Variants in PTPN1 observed in about 807,000 individuals in gnomAD.
PTPN1 encodes tyrosine-protein phosphatase non-receptor type 1.
A neutral mutation model predicts 59.9 loss-of-function variants in PTPN1; 12 were observed. The observed-to-expected ratio is 0.20, with a 90% confidence interval of 0.13 to 0.32. The LOEUF is 0.32. PTPN1 is among the 10% of genes least tolerant of loss of function. The pLI is 1.00. For synonymous variants in PTPN1, 178 were observed against 203.6 expected, an observed-to-expected ratio of 0.87 and a Z score of 1.07; for missense variants, 356 against 549.2, an observed-to-expected ratio of 0.65 and a Z score of 3.52.
At chr20:50,513,493 G>T (rs975949002) in intron 1 of PTPN1, among the ~76,000 whole-genome samples, 1 of 152,102 alleles carries the variant, frequency 6.6e-6, no homozygotes, top group Non-Finnish European at 1.5e-5. Flanking sequence ...TTGTTTTCTC[G>T]TCTGTAAATT....
At chr20:50,555,828 T>C (rs538172808) in intron 1 of PTPN1, among the ~76,000 whole-genome samples, 1 of 152,278 alleles carries the variant, frequency 6.6e-6, no homozygotes, top group South Asian at 2.1e-4. Context: ...GCAACTGTTA[T>C]TTCGGCCCTT....
At chr20:50,526,704 G>A (rs2082577052) in intron 1 of PTPN1, among the ~76,000 whole-genome samples, 1 of 152,028 alleles carries the variant, frequency 6.6e-6, no homozygotes, top group Non-Finnish European at 1.5e-5. Context: ...CCTTTATTCA[G>A]ATTTCCAGCT....
In PTPN1 at chr20:50,543,102, A is replaced by G. The variant is rs77304495; in HGVS notation, c.64-18261A>G. ...AGTCAGATAACTGCCATGGAGAGCT[A>G]TGCTTTCTTTGTTTTAAAGATCTGC... On this transcript the variant is annotated intron_variant, in intron 1 of 9. Coordinates refer to ENST00000371621, the MANE Select transcript of PTPN1 (RefSeq NM_002827.4). 1.6e-4 allele frequency among the ~76,000 whole-genome samples: 24 copies of G among 152,324 alleles called. No homozygotes were observed. The East Asian group carries it at 4.0e-3, about 26-fold the overall frequency.
intron 1 of PTPN1, among the ~76,000 whole-genome samples, chr20:50,543,442 T>G (rs2122753764): frequency 6.6e-6 from 1 of 152,370 alleles, no homozygotes; most frequent in East Asian, 1.9e-4. Flanking sequence ...TATAATAGTT[T>G]GTCTATCTCT....
chr20:50,582,782 G>A lies in PTPN1; in HGVS notation c.*67G>A. On this transcript the variant is annotated 3_prime_UTR_variant, in exon 10 of 10. Transcript: ENST00000371621. The surrounding 1 kb of genome is among the most constrained non-coding windows in gnomAD (Gnocchi z 4.2). The stretch of plus-strand genomic sequence containing the variant: ...TGCCCGCAGAGCCCACGCCCGACTA[G>A]CAGGCATGCCGCGGTAGGTAAGGGC... 3.8e-6 allele frequency: 6 copies of A among 1,598,050 alleles called. No individual in the cohort carries two copies. Among genetic ancestry groups the A allele is most frequent in the Non-Finnish European group, 5.1e-6 (6 of 1,169,026 alleles).
At chr20:50,570,063 CAGA>C (rs2082800350) in intron 4 of PTPN1, among the ~76,000 whole-genome samples, 1 of 152,218 alleles carries the variant, frequency 6.6e-6, no homozygotes, top group Non-Finnish European at 1.5e-5. Context: ...CCTCCGGCCA[CAGA>C]AGAAGGTGAG....
At chr20:50,552,382 C>T (rs1286561408) in intron 1 of PTPN1, among the ~76,000 whole-genome samples, 1 of 152,240 alleles carries the variant, frequency 6.6e-6, no homozygotes, top group Non-Finnish European at 1.5e-5. Flanking sequence ...CTGACCCCTT[C>T]TCACCTCTTC....
intron 1 of PTPN1, among the ~76,000 whole-genome samples, chr20:50,531,362 T>TG (rs1373926525): frequency 7.2e-5 from 11 of 152,152 alleles, no homozygotes; most frequent in Non-Finnish European, 1.3e-4. Flanking sequence ...GCGGGGTTGT[T>TG]GGTGGGAGTC....
chr20:50,523,484 A>G (rs901786862), intron 1 of PTPN1, among the ~76,000 whole-genome samples: 1 of 152,176 alleles, frequency 6.6e-6, no homozygotes, highest in Non-Finnish European at 1.5e-5. Context: ...CTCAGGACCA[A>G]TTTCTCTGAA....
intron 1 of PTPN1, among the ~76,000 whole-genome samples, chr20:50,543,981 G>A (rs962810271): frequency 6.6e-6 from 1 of 152,092 alleles, no homozygotes; most frequent in Non-Finnish European, 1.5e-5. Context: ...GAGTAGCTGG[G>A]ATTACAGGCA....
Position 50,510,468 on chromosome 20 carries a change from C to G in PTPN1, c.-60C>G, listed in dbSNP as rs1601381047. 3.3e-6 allele frequency: 5 copies of G among 1,537,908 alleles called. No homozygotes were observed. The highest frequency in any genetic ancestry group is 3.5e-6 in the Non-Finnish European group (4 of 1,138,110). ...CTCGGGGCTAAGAGCGCGACGCGGC[C>G]TAGAGCGGCAGACGGCGCAGTGGGC... On this transcript the variant is annotated 5_prime_UTR_variant, in exon 1 of 10. Transcript: ENST00000371621.
chr20:50,534,970 A>ACTCCTGCCTTCAGGCGGTC (rs2082617911), intron 1 of PTPN1, among the ~76,000 whole-genome samples: 1 of 152,048 alleles, frequency 6.6e-6, no homozygotes, highest in South Asian at 2.1e-4. Flanking sequence ...TTCAGGCGGA[A>ACTCCTGCCTTCAGGCGGTC]CTCCTGCCTT....
At chr20:50,572,566 A>C (rs973521068) in intron 4 of PTPN1, 1 of 152,096 alleles carries the variant, frequency 6.6e-6, no homozygotes, top group African/African-American at 2.4e-5. Context: ...GGTGAGCTTT[A>C]AGACTCGTCT....
rs718049 is a variant in PTPN1, at chr20:50,580,062, C to T, written c.1088+136C>T. ...GCTTCCGCATCCTTGGGGAACAGGG[C>T]GCGTGGACCACAGCCACTCCACTCC... is the stretch of plus-strand genomic sequence containing the variant. On this transcript the variant is annotated intron_variant, in intron 8 of 9. Transcript: ENST00000371621. 486,559 of 798,374 alleles carry T rather than the reference C, an allele frequency of 0.61. 149,843 individuals carry two copies. Among genetic ancestry groups the T allele is most frequent in the Middle Eastern group, 0.7 (1,901 of 2,726 alleles). The allele number at this position is 798,374 out of a possible 1,614,324, so 49.5% of individuals were successfully genotyped here.
intron 1 of PTPN1, among the ~76,000 whole-genome samples, chr20:50,535,573 T>C (rs1455210264): frequency 3.3e-5 from 5 of 152,190 alleles, no homozygotes; most frequent in African/African-American, 1.2e-4. Context: ...AGGGGAAAGT[T>C]AGGATTTGGT....
chr20:50,535,365 C>T (rs571600343), intron 1 of PTPN1, among the ~76,000 whole-genome samples: 17 of 152,284 alleles, frequency 1.1e-4, no homozygotes, highest in South Asian at 6.2e-4. Context: ...CTTCTGCCTG[C>T]GGAGCCACCC....
At chr20:50,540,655 AGGTAG>A (rs1446342079) in intron 1 of PTPN1, among the ~76,000 whole-genome samples, 1 of 152,230 alleles carries the variant, frequency 6.6e-6, no homozygotes. Flanking sequence ...CTTTGGACTC[AGGTAG>A]AAAGGCAAAA....
chr20:50,569,043 G>A (rs2082793433), intron 4 of PTPN1, among the ~76,000 whole-genome samples: 1 of 152,130 alleles, frequency 6.6e-6, no homozygotes, highest in African/African-American at 2.4e-5. Flanking sequence ...GCGTGTGGCT[G>A]CACGGTGTCC....
At chr20:50,570,198 C>G (rs542969084) in intron 4 of PTPN1, among the ~76,000 whole-genome samples, 1 of 152,322 alleles carries the variant, frequency 6.6e-6, no homozygotes, top group African/African-American at 2.4e-5. Context: ...AAGCATTAAC[C>G]ACGAAGCCTC....
Sources: gnomAD v4.1 joint callset for allele counts (sites outside exome capture counted in the v4.1 genomes callset) on GRCh38, gnomAD v4.1.1 for gene constraint, Gnocchi (gnomAD v3.1) non-coding constraint, MANE v1.5 for transcripts, NCBI Gene and HGNC (gene_info 2026-07-23, HGNC 2026-07-21) for gene names.